AHCYL1: variants seen among roughly 807,000 people sequenced by gnomAD.
AHCYL1 encodes the protein S-adenosylhomocysteine hydrolase-like protein 1.
Under a neutral mutation model 79.3 loss-of-function variants are expected in AHCYL1, and 20 were observed. That is an observed-to-expected ratio of 0.25 (90% CI 0.18 to 0.37). The LOEUF (loss-of-function observed/expected upper bound fraction) is 0.37, where lower values mean the gene tolerates loss of function less well. Among genes scored for constraint, AHCYL1 ranks in the 10% least tolerant of loss-of-function variants. AHCYL1 has a pLI of 1.00. For synonymous variants in AHCYL1, 223 were observed against 242.2 expected (o/e 0.92, Z 0.74); for missense variants, 330 against 673.6 (o/e 0.49, Z 5.65).
At chr1:109,997,386 G>A (rs1440853066) in intron 1 of AHCYL1, among the ~76,000 whole-genome samples, 2 of 152,110 alleles carry the variant, frequency 1.3e-5, no homozygotes, top group Non-Finnish European at 2.9e-5. Flanking sequence ...AAGAAAAGGA[G>A]GGCAGAACTC....
intron 7 of AHCYL1, among the ~76,000 whole-genome samples, chr1:110,015,821 A>G (rs181572088): frequency 9.2e-5 from 14 of 152,276 alleles, no homozygotes; most frequent in African/African-American, 3.1e-4. Flanking sequence ...TCAATATTGT[A>G]TTATCATTTT....
At position 110,018,710 on chromosome 1, in the gene AHCYL1, G is replaced by C. The variant is rs1207920614; in HGVS notation, c.1317+60G>C. The C allele has an allele frequency of 3.5e-6, 5 of 1,412,620 alleles. No individual in the cohort carries two copies. In the Admixed American group the frequency reaches 5.6e-5, roughly 16 times the overall value. The allele number at this position is 1,412,620 out of a possible 1,614,324, so 87.5% of individuals were successfully genotyped here. A position where few individuals can be genotyped will look rare whatever the true frequency, so the allele number is the denominator to read the frequency against. On this transcript the variant is annotated intron_variant, in intron 13 of 16. Coordinates refer to ENST00000369799, the MANE Select transcript of AHCYL1 (RefSeq NM_006621.7). The stretch of plus-strand genomic sequence containing the variant: ...AAGCAGAGTAGTTAGATCTATGAGG[G>C]GGGAGGGGAGGGAAACAAATATTAG...
At chr1:109,993,217 GA>G (rs1649859199) in intron 1 of AHCYL1, among the ~76,000 whole-genome samples, 2 of 152,204 alleles carry the variant, frequency 1.3e-5, no homozygotes, top group African/African-American at 4.8e-5. Flanking sequence ...AGGAGTGTTT[GA>G]AATAGTAGCT....
chr1:110,009,776 T>C (rs1032027173), intron 2 of AHCYL1, among the ~76,000 whole-genome samples: 20 of 152,316 alleles, frequency 1.3e-4, no homozygotes, highest in Admixed American at 1.3e-3. Context: ...TTCCCAACTA[T>C]AGAGCATGTA....
At chr1:109,991,183 C>G (rs1649739993) in intron 1 of AHCYL1, among the ~76,000 whole-genome samples, 1 of 152,140 alleles carries the variant, frequency 6.6e-6, no homozygotes, top group African/African-American at 2.4e-5. Flanking sequence ...TACTGCTTAT[C>G]AGTATACATT....
intron 1 of AHCYL1, chr1:110,003,926 A>C: frequency 1.0e-6 from 1 of 985,360 alleles, no homozygotes; most frequent in South Asian, 4.7e-5. Flanking sequence ...GATAATAGTG[A>C]AGTGAAGTCA....
At chr1:110,013,359 AGTATGGCATTGAAAAT>A (rs1465362920) in intron 5 of AHCYL1, among the ~76,000 whole-genome samples, 2 of 152,238 alleles carry the variant, frequency 1.3e-5, no homozygotes, top group Non-Finnish European at 2.9e-5. Flanking sequence ...TTTGGTATTC[AGTATGGCATTGAAAAT>A]ATATGAGCTA....
In AHCYL1 at chr1:110,012,342, A is replaced by G; in HGVS notation, c.377-20A>G. ...ATACTGCTAGTGCAGACCTAGCTCA[A>G]ATCCTCTGTTCTTTCACAGACATGT... On this transcript the variant is annotated intron_variant, in intron 3 of 16. Transcript: ENST00000369799. The G allele has an allele frequency of 2.5e-6, 4 of 1,610,252 alleles. No individual in the cohort carries two copies. Among genetic ancestry groups the G allele is most frequent in the Non-Finnish European group, 3.4e-6 (4 of 1,177,472 alleles).
At chr1:110,015,152 G>A (rs1483332057) in intron 6 of AHCYL1, among the ~76,000 whole-genome samples, 1 of 152,148 alleles carries the variant, frequency 6.6e-6, no homozygotes, top group Admixed American at 6.6e-5. Context: ...TGCATTCAAA[G>A]GGGCTATATA....
intron 1 of AHCYL1, among the ~76,000 whole-genome samples, chr1:109,992,082 G>GC (rs1344294851): frequency 4.3e-5 from 6 of 140,184 alleles, no homozygotes; most frequent in African/African-American, 1.9e-4. Context: ...ATCTGGGGGC[G>GC]GGGGGAAGAA....
intron 14 of AHCYL1, 115 bp from the exon 15 acceptor site, chr1:110,019,431 CTG>C (rs1454974943): frequency 3.5e-5 from 32 of 911,568 alleles, no homozygotes; most frequent in Non-Finnish European, 4.8e-5. Flanking sequence ...GTCCTAGGTA[CTG>C]TGACTGTGGT....
chr1:110,010,251 G>T (rs535315201), intron 2 of AHCYL1, among the ~76,000 whole-genome samples: 33 of 152,298 alleles, frequency 2.2e-4, no homozygotes, highest in Non-Finnish European at 3.7e-4. Flanking sequence ...TTAGTGATAT[G>T]GTTAAAATGT....
At chr1:110,019,894 C>A (rs906038493) in intron 15 of AHCYL1, among the ~76,000 whole-genome samples, 3 of 152,244 alleles carry the variant, frequency 2.0e-5, no homozygotes, top group Admixed American at 1.3e-4. Flanking sequence ...GATGTTCTTA[C>A]TCTAAGTAGC....
At chr1:110,004,093 CAGA>C (rs1223712938) in intron 1 of AHCYL1, 2 of 985,394 alleles carry the variant, frequency 2.0e-6, no homozygotes, top group Non-Finnish European at 2.4e-6. Flanking sequence ...CGAGCATTGA[CAGA>C]AGATCTAGTT....
Position 110,017,945 on chromosome 1 carries a change from G to A in AHCYL1, c.1053-1G>A. On this transcript the variant is annotated splice_acceptor_variant, in intron 10 of 16. Transcript: ENST00000369799. LOFTEE classifies it high-confidence loss of function. Reference sequence around the variant, plus strand: ...CATAGTGTTCCTTTCTTTTCTTCCAGCATGGATGGGTTCAGGGTGGTAAAG... The same window carrying A: ...CATAGTGTTCCTTTCTTTTCTTCCAACATGGATGGGTTCAGGGTGGTAAAG... 6.2e-7 allele frequency: 1 copy of A among 1,614,114 alleles called. No individual in the cohort carries two copies. The highest frequency in any genetic ancestry group is 8.5e-7 in the Non-Finnish European group (1 of 1,179,992).
At chr1:109,988,623 G>A (rs754830290) in intron 1 of AHCYL1, among the ~76,000 whole-genome samples, 3 of 152,050 alleles carry the variant, frequency 2.0e-5, no homozygotes, top group Admixed American at 6.6e-5. Context: ...ATGTTTCTCC[G>A]GAAGGCCTTT....
At chr1:110,008,519 A>C (rs747401406) in intron 1 of AHCYL1, among the ~76,000 whole-genome samples, 12 of 152,132 alleles carry the variant, frequency 7.9e-5, no homozygotes, top group Non-Finnish European at 1.6e-4. Flanking sequence ...TTGGGCTCTG[A>C]GTATTGGCAC....
chr1:110,018,858 A>T, intron 13 of AHCYL1, 193 bp from the exon 14 acceptor site: 1 of 722,890 alleles, frequency 1.4e-6, no homozygotes, highest in Non-Finnish European at 2.3e-6. Flanking sequence ...ACCACAGCTG[A>T]TTCTTTAACC....
At chr1:109,993,508 C>T (rs1318460572) in intron 1 of AHCYL1, among the ~76,000 whole-genome samples, 2 of 152,182 alleles carry the variant, frequency 1.3e-5, no homozygotes, top group African/African-American at 2.4e-5. Context: ...GTAAGTTGGA[C>T]TTATGTGGTG....
Sources: allele counts gnomAD v4.1 joint callset (sites outside exome capture counted in the v4.1 genomes callset), GRCh38; gene constraint gnomAD v4.1.1; transcripts MANE v1.5; gene names NCBI Gene and HGNC (gene_info 2026-07-23, HGNC 2026-07-21).